The following CXCL5 variants were observed in gnomAD, a reference collection of about 807,000 sequenced individuals.
CXCL5 encodes C-X-C motif chemokine 5.
CXCL5 carries 13 observed loss-of-function variants against 12.1 expected under a neutral mutation model. The ratio of observed to expected loss-of-function variants is 1.08; its 90% confidence interval spans 0.70 to 1.71. The LOEUF (loss-of-function observed/expected upper bound fraction) is 1.71. Among genes scored for constraint, CXCL5 ranks in the 40% most tolerant of loss-of-function variants. The probability of loss-of-function intolerance (pLI) is 0.00; values close to 1 mark genes in which losing one functional copy is unlikely to be tolerated. For synonymous variants in CXCL5, 67 were observed against 59.0 expected, an observed-to-expected ratio of 1.14 and a Z score of -0.62; for missense variants, 159 against 142.4, an observed-to-expected ratio of 1.12 and a Z score of -0.59.
rs910724721 is a variant in CXCL5, at chr4:73,995,823, CTAAATATATAATATATATTATATA to C, written c.*1790_*1813del. On this transcript the variant is annotated 3_prime_UTR_variant, in exon 4 of 4. Coordinates refer to ENST00000296027, the MANE Select transcript of CXCL5 (RefSeq NM_002994.5). ...TAGGCATCTAAAAAGCTCAGCAATG[CTAAATATATAATATATATTATATA>C]TAAATATATAATATATAAATACATA... is the stretch of plus-strand genomic sequence containing the variant. 1.4e-5 allele frequency: 2 copies of C among 147,910 alleles called. No individual in the cohort carries two copies. Among genetic ancestry groups the C allele is most frequent in the Admixed American group, 6.8e-5 (1 of 14,768 alleles). 9.2% of individuals were successfully genotyped at this position (147,910 alleles called of 1,614,324 possible). A position where few individuals can be genotyped will look rare whatever the true frequency, so the allele number is the denominator to read the frequency against.
Position 73,998,656 on chromosome 4 carries a change from A to G in CXCL5, c.-75T>C, listed in dbSNP as rs373132144. 3.6e-4 allele frequency: 468 copies of G among 1,314,812 alleles called. 7 individuals are homozygous for G. In the East Asian group the frequency reaches 0.01, roughly 29 times the overall value. The allele number at this position is 1,314,812 out of a possible 1,614,324, so 81.4% of individuals were successfully genotyped here. On this transcript the variant is annotated 5_prime_UTR_variant, in exon 1 of 4. Coordinates refer to ENST00000296027, the MANE Select transcript of CXCL5 (RefSeq NM_002994.5). ...AGGAGCGGAGATTGGAGGAGCGAAG[A>G]TTGGAGGATCCGGAGCACTGTGGCT...
chr4:73,995,719 G>A lies in CXCL5; in HGVS notation c.*1918C>T, dbSNP rs192410995. 37 of 151,512 alleles carry A rather than the reference G, an allele frequency of 2.4e-4. No homozygotes were observed. The highest frequency in any genetic ancestry group is 8.9e-4 in the African/African-American group (37 of 41,362). The allele number at this position is 151,512 out of a possible 1,614,324, so 9.4% of individuals were successfully genotyped here. ...AACCAATGAGACACATAGTAAAAAA[G>A]TACAATTTTAATATAGTGAATGTAA... On this transcript the variant is annotated 3_prime_UTR_variant, in exon 4 of 4. Transcript: ENST00000296027.
rs1719237499 is a variant in CXCL5 at position 73,998,112 on chromosome 4, G to T, written c.243-17C>A. The T allele has an allele frequency of 1.2e-6, 2 of 1,613,596 alleles. No individual in the cohort carries two copies. The highest frequency in any genetic ancestry group is 8.5e-7 in the Non-Finnish European group (1 of 1,179,890). On this transcript the variant is annotated splice_polypyrimidine_tract_variant and intron_variant, in intron 2 of 3. Transcript: ENST00000296027. ...AGGGAGGCTCTGAAGGAAAGAAAAA[G>T]AAGATACACTCATGAGATACCAAGG... is the stretch of plus-strand genomic sequence containing the variant.
Position 73,995,883 on chromosome 4 carries a change from A to T in CXCL5, c.*1754T>A, listed in dbSNP as rs1719180994. 1 of 149,574 alleles carries T rather than the reference A, an allele frequency of 6.7e-6. No homozygotes were observed. Among genetic ancestry groups the T allele is most frequent in the African/African-American group, 2.4e-5 (1 of 40,938 alleles). 9.3% of individuals were successfully genotyped at this position (149,574 alleles called of 1,614,324 possible). A position where few individuals can be genotyped will look rare whatever the true frequency, so the allele number is the denominator to read the frequency against. On this transcript the variant is annotated 3_prime_UTR_variant, in exon 4 of 4. Transcript: ENST00000296027. The stretch of plus-strand genomic sequence containing the variant: ...ATATATAAATACATACGTTTTTACC[A>T]AGAAATGTTTTATTTTTCTTGCAGT...
In CXCL5 at chr4:73,996,637, T is replaced by G. The variant is rs967163799; in HGVS notation, c.*1000A>C. On this transcript the variant is annotated 3_prime_UTR_variant, in exon 4 of 4. Coordinates refer to ENST00000296027, the MANE Select transcript of CXCL5 (RefSeq NM_002994.5). The stretch of plus-strand genomic sequence containing the variant: ...ATTCCAAGCTCTCTCTGGTCCCCTA[T>G]CCAAGGAGAAATGCTAGGGCCTCGA... 1.3e-5 allele frequency: 2 copies of G among 152,546 alleles called. No homozygotes were observed. The highest frequency in any genetic ancestry group is 2.9e-5 in the Non-Finnish European group (2 of 68,020). The allele number at this position is 152,546 out of a possible 1,614,324, so 9.4% of individuals were successfully genotyped here.
Position 73,995,917 on chromosome 4 carries a change from T to C in CXCL5, c.*1720A>G, listed in dbSNP as rs1719181997. The C allele has an allele frequency of 6.6e-6, 1 of 151,296 alleles. No homozygotes were observed. Among genetic ancestry groups the C allele is most frequent in the Admixed American group, 6.6e-5 (1 of 15,134 alleles). 9.4% of individuals were successfully genotyped at this position (151,296 alleles called of 1,614,324 possible). On this transcript the variant is annotated 3_prime_UTR_variant, in exon 4 of 4. Transcript: ENST00000296027. ...TTTATTTTTCTTGCAGTAGCTTTGT[T>C]AATTGCACAAAATTATGTTTTGTTT...
intron 2 of CXCL5, 26 bp from the exon 3 acceptor site, chr4:73,998,121 C>T (rs1419194716): frequency 1.2e-6 from 2 of 1,613,852 alleles, no homozygotes; most frequent in Admixed American, 1.7e-5. Flanking sequence ...AGAAGATACA[C>T]TCATGAGATA....
rs904569505 is a variant in CXCL5 at position 73,997,960 on chromosome 4, A to G, written c.326+52T>C. The G allele has an allele frequency of 9.9e-6, 14 of 1,410,254 alleles. No individual in the cohort carries two copies. The African/African-American group carries it at 1.4e-4, about 14-fold the overall frequency. The allele number at this position is 1,410,254 out of a possible 1,614,324, so 87.4% of individuals were successfully genotyped here. On this transcript the variant is annotated intron_variant, in intron 3 of 3. Coordinates refer to ENST00000296027, the MANE Select transcript of CXCL5 (RefSeq NM_002994.5). ...AGAGAATAAAGACCTTGTGAAGTCT[A>G]TGGTCTCCCTAGATCAGATTTAGAA...
chr4:73,998,424 C>G (rs1465409416), intron 1 of CXCL5, 49 bp downstream of exon 1: 1 of 1,606,656 alleles, frequency 6.2e-7, no homozygotes, highest in East Asian at 2.2e-5. Flanking sequence ...GGCTGGGATG[C>G]ACCTCTGTGC....
In CXCL5 at chr4:73,996,688, T is replaced by G. The variant is rs957273790; in HGVS notation, c.*949A>C. The G allele has an allele frequency of 3.3e-5, 5 of 152,622 alleles. No individual in the cohort carries two copies. The highest frequency in any genetic ancestry group is 3.3e-4 in the Admixed American group (5 of 15,280). 9.5% of individuals were successfully genotyped at this position (152,622 alleles called of 1,614,324 possible). Reference sequence around the variant, plus strand: ...GGATGTCGCTATATATTTTTATAACTAAATGATAAATTTATATTCAAATTG... The same window carrying G: ...GGATGTCGCTATATATTTTTATAACGAAATGATAAATTTATATTCAAATTG... On this transcript the variant is annotated 3_prime_UTR_variant, in exon 4 of 4. Transcript: ENST00000296027.
chr4:73,996,788 A>C lies in CXCL5; in HGVS notation c.*849T>G, dbSNP rs1719203859. 6.6e-6 allele frequency: 1 copy of C among 152,580 alleles called. No individual in the cohort carries two copies. Among genetic ancestry groups the C allele is most frequent in the Admixed American group, 6.5e-5 (1 of 15,276 alleles). The allele number at this position is 152,580 out of a possible 1,614,324, so 9.5% of individuals were successfully genotyped here. A position where few individuals can be genotyped will look rare whatever the true frequency, so the allele number is the denominator to read the frequency against. On this transcript the variant is annotated 3_prime_UTR_variant, in exon 4 of 4. Transcript: ENST00000296027. ...CCTTTACTTTAAAAACTAAAAGAAT[A>C]CATTTCTATATAAACTAGCAGTCAG...
rs183054356 is a variant in CXCL5 at position 73,996,763 on chromosome 4, C to T, written c.*874G>A. Reference sequence around the variant, plus strand: ...AGAGTACAAGTCATTGTTAAGTTTGCCTTTACTTTAAAAACTAAAAGAATA... The same window carrying T: ...AGAGTACAAGTCATTGTTAAGTTTGTCTTTACTTTAAAAACTAAAAGAATA... On this transcript the variant is annotated 3_prime_UTR_variant, in exon 4 of 4. Transcript: ENST00000296027. The T allele has an allele frequency of 1.3e-5, 2 of 152,574 alleles. No homozygotes were observed. The highest frequency in any genetic ancestry group is 1.9e-4 in the East Asian group (1 of 5,182). The allele number at this position is 152,574 out of a possible 1,614,324, so 9.5% of individuals were successfully genotyped here.
chr4:73,998,343 G>A lies in CXCL5; in HGVS notation c.110-5C>T, dbSNP rs770775855. ...ACACAGCAGCGGCAGGACCAGCTGG[G>A]GAAGAAAGAGAGACACCCTTTATAG... is the stretch of plus-strand genomic sequence containing the variant. On this transcript the variant is annotated splice_polypyrimidine_tract_variant and splice_region_variant and intron_variant, in intron 1 of 3. Transcript: ENST00000296027. 5 of 1,614,054 alleles carry A rather than the reference G, an allele frequency of 3.1e-6. No individual in the cohort carries two copies. Among genetic ancestry groups the A allele is most frequent in the Non-Finnish European group, 4.2e-6 (5 of 1,180,008 alleles).
rs901311019 is a variant in CXCL5 at position 73,997,881 on chromosome 4, C to A, written c.326+131G>T. On this transcript the variant is annotated intron_variant, in intron 3 of 3. Coordinates refer to ENST00000296027, the MANE Select transcript of CXCL5 (RefSeq NM_002994.5). ...TCCCAGGACAATCCAGAAAAACTTT[C>A]CCAATTCAACAACCTTTTAATTCTA... 3 of 965,902 alleles carry A rather than the reference C, an allele frequency of 3.1e-6. No individual in the cohort carries two copies. The African/African-American group carries it at 5.0e-5, about 16-fold the overall frequency. The allele number at this position is 965,902 out of a possible 1,614,324, so 59.8% of individuals were successfully genotyped here.
At position 73,998,216 on chromosome 4, in the gene CXCL5, C is replaced by T. The variant is rs767718489; in HGVS notation, c.232G>A (p.Val78Met). 6.2e-7 allele frequency: 1 copy of T among 1,614,228 alleles called. No individual in the cohort carries two copies. The highest frequency in any genetic ancestry group is 8.5e-7 in the Non-Finnish European group (1 of 1,180,042). The change falls in exon 2 of 4, where the codon GTG (valine) becomes ATG (methionine). Residue 78 changes from valine to methionine, a missense_variant. Val to Met is a conservative substitution (Grantham distance 21). Coordinates refer to ENST00000296027, the MANE Select transcript of CXCL5 (RefSeq NM_002994.5). ...CAGCACAGAACTTACACCACTTCCA[C>T]CTTGGAGCACTGTGGGCCTATGGCG... ...VFAIGPQCSK[V>M]EVVASLKNGK...
chr4:73,997,535 C>T lies in CXCL5; in HGVS notation c.*102G>A, dbSNP rs1489531444. The T allele has an allele frequency of 1.1e-6, 1 of 890,742 alleles. No individual in the cohort carries two copies. The highest frequency in any genetic ancestry group is 1.8e-6 in the Non-Finnish European group (1 of 559,984). 55.2% of individuals were successfully genotyped at this position (890,742 alleles called of 1,614,324 possible). On this transcript the variant is annotated 3_prime_UTR_variant, in exon 4 of 4. Coordinates refer to ENST00000296027, the MANE Select transcript of CXCL5 (RefSeq NM_002994.5). ...ACTGGAAAAACAAATAAACAAACAA[C>T]AACAAAATCTTTCCTTCTTGTCTTC...
rs1290641879 is a variant in CXCL5 at position 73,996,113 on chromosome 4, T to C, written c.*1524A>G. On this transcript the variant is annotated 3_prime_UTR_variant, in exon 4 of 4. Transcript: ENST00000296027. Reference sequence around the variant, plus strand: ...GCCTTTTCACAAGTGTCACATTTTCTCTTTAAAAGGGAAGGATTTCCAAAC... The same window carrying C: ...GCCTTTTCACAAGTGTCACATTTTCCCTTTAAAAGGGAAGGATTTCCAAAC... 6.6e-6 allele frequency: 1 copy of C among 152,512 alleles called. No homozygotes were observed. The highest frequency in any genetic ancestry group is 1.5e-5 in the Non-Finnish European group (1 of 68,020). 9.4% of individuals were successfully genotyped at this position (152,512 alleles called of 1,614,324 possible).
rs770545074 is a variant in CXCL5 at position 73,998,249 on chromosome 4, G to C, written c.199C>G (p.Gln67Glu). ...GVHPKMISNL[Q>E]VFAIGPQCSK... ...CACTGTGGGCCTATGGCGAACACTT[G>C]CAGATTACTGATCATTTTGGGATGA... is the stretch of plus-strand genomic sequence containing the variant. Residue 67 changes from glutamine (Q) to glutamate (E), a missense_variant, in exon 2 of 4, where the codon CAA becomes GAA. Gln to Glu is a conservative substitution (Grantham distance 29). Coordinates refer to ENST00000296027, the MANE Select transcript of CXCL5 (RefSeq NM_002994.5). The C allele has an allele frequency of 4.3e-6, 7 of 1,614,144 alleles. No homozygotes were observed. In the South Asian group the frequency reaches 7.7e-5, roughly 18 times the overall value.
chr4:73,998,018 A>C lies in CXCL5; in HGVS notation c.320T>G (p.Leu107Trp). The C allele has an allele frequency of 1.2e-6, 2 of 1,614,144 alleles. No homozygotes were observed. Among genetic ancestry groups the C allele is most frequent in the Non-Finnish European group, 1.7e-6 (2 of 1,179,974 alleles). Residue 107 changes from leucine (L) to tryptophan (W), a missense_variant, in exon 3 of 4, where the codon TTG (leucine) becomes TGG (tryptophan). Physicochemically the swap from Leu to Trp is moderately conservative, Grantham distance 61. Coordinates refer to ENST00000296027, the MANE Select transcript of CXCL5 (RefSeq NM_002994.5). Reference sequence around the variant, plus strand: ...AGATCAAAGTGACAAGTACCCGTCCAAAATTTTCTGGATGACTTTCTTTAG... The same window carrying C: ...AGATCAAAGTGACAAGTACCCGTCCCAAATTTTCTGGATGACTTTCTTTAG... The part of the protein sequence containing the change: ...PFLKKVIQKI[L>W]DGGNKEN
Sources: allele counts gnomAD v4.1 joint callset, GRCh38; gene constraint gnomAD v4.1.1; transcripts MANE v1.5; gene names NCBI Gene and HGNC (gene_info 2026-07-23, HGNC 2026-07-21).